The following CPEB1 variants were observed in gnomAD, a reference collection of about 807,000 sequenced individuals.
CPEB1 encodes the protein cytoplasmic polyadenylation element binding protein 1.
A neutral mutation model predicts 65.8 loss-of-function variants in CPEB1; 7 were observed. That is an observed-to-expected ratio of 0.11 (90% CI 0.06 to 0.20). The LOEUF is 0.20. Ranked by LOEUF, CPEB1 falls within the 10% of genes least tolerant of loss-of-function variation. The probability of loss-of-function intolerance (pLI) is 1.00; values close to 1 mark genes in which losing one functional copy is unlikely to be tolerated. For missense variants in CPEB1, 551 were observed against 712.2 expected, an observed-to-expected ratio of 0.77 and a Z score of 2.58; for synonymous variants, 262 against 260.0, an observed-to-expected ratio of 1.01 and a Z score of -0.08.
intron 1 of CPEB1, chr15:82,629,503 T>C (rs1371968200): frequency 1.0e-6 from 1 of 985,254 alleles, no homozygotes; most frequent in Non-Finnish European, 1.2e-6. Flanking sequence ...TCTTTTGGTA[T>C]TCCCTATCTC....
At chr15:82,555,849 A>C in intron 6 of CPEB1, 21 bp downstream of exon 6, 1 of 1,601,456 alleles carries the variant, frequency 6.2e-7, no homozygotes, top group Non-Finnish European at 8.5e-7. Flanking sequence ...CAGGCCTCAC[A>C]CATGCTCAAG....
chr15:82,616,318 A>C (rs922941152), intron 3 of CPEB1, among the ~76,000 whole-genome samples: 8 of 152,282 alleles, frequency 5.3e-5, no homozygotes, highest in African/African-American at 1.9e-4. Context: ...AACGATGTTT[A>C]TGGACATACA....
chr15:82,641,560 G>A (rs2047120472), intron 1 of CPEB1: 1 of 152,144 alleles, frequency 6.6e-6, no homozygotes, highest in Non-Finnish European at 1.5e-5. Flanking sequence ...AACACTCTTA[G>A]TCAAGTTACT....
intron 3 of CPEB1, among the ~76,000 whole-genome samples, chr15:82,579,612 A>G (rs1273646248): frequency 6.6e-6 from 1 of 152,076 alleles, no homozygotes; most frequent in East Asian, 1.9e-4. Context: ...CATGTGATCA[A>G]CAAAAGACTC....
At chr15:82,647,760 T>TG, upstream of CPEB1, 6 of 1,078,240 alleles carry the variant, frequency 5.6e-6, no homozygotes, top group African/African-American at 3.3e-5. Flanking sequence ...GGGCGGGGGA[T>TG]GGGGGTACCG....
At chr15:82,577,174 G>T (rs906303496) in intron 3 of CPEB1, among the ~76,000 whole-genome samples, 1 of 152,160 alleles carries the variant, frequency 6.6e-6, no homozygotes, top group African/African-American at 2.4e-5. Context: ...GCAAAGGTGT[G>T]TTTTGTTTTG....
intron 1 of CPEB1, chr15:82,640,869 C>A (rs1434017399): frequency 6.8e-6 from 1 of 146,050 alleles, no homozygotes. Flanking sequence ...AGGAAGCCTG[C>A]AAGTACCAAG....
At chr15:82,580,999 A>T (rs2041230829) in intron 3 of CPEB1, among the ~76,000 whole-genome samples, 2 of 151,992 alleles carry the variant, frequency 1.3e-5, no homozygotes, top group South Asian at 4.2e-4. Context: ...CCACAGGTGC[A>T]TGTCACCAGC....
intron 3 of CPEB1, among the ~76,000 whole-genome samples, chr15:82,615,546 TG>T (rs1311434768): frequency 6.6e-6 from 1 of 152,210 alleles, no homozygotes; most frequent in African/African-American, 2.4e-5. Flanking sequence ...GAAAGAACCC[TG>T]GGACACAATT....
chr15:82,569,867 G>C lies in CPEB1; in HGVS notation c.460+1477C>G, dbSNP rs74028529. On this transcript the variant is annotated intron_variant, in intron 4 of 12. Transcript: ENST00000684509. ...TTCTTCTATCTTTTGCTCAGATACG[G>C]TGGAAGTGAGGACAGGGGAGGCTGG... 2.8e-3 allele frequency among the ~76,000 whole-genome samples: 433 copies of C among 152,296 alleles called. 2 individuals carry two copies. The highest frequency in any genetic ancestry group is 0.01 in the African/African-American group (419 of 41,558).
Position 82,544,318 on chromosome 15 carries a change from A to T in CPEB1, c.*274T>A. 3 of 203,438 alleles carry T rather than the reference A, an allele frequency of 1.5e-5. No homozygotes were observed. The highest frequency in any genetic ancestry group is 1.9e-5 in the Non-Finnish European group (2 of 107,440). 12.6% of individuals were successfully genotyped at this position (203,438 alleles called of 1,614,324 possible). A position where few individuals can be genotyped will look rare whatever the true frequency, so the allele number is the denominator to read the frequency against. On this transcript the variant is annotated 3_prime_UTR_variant, in exon 13 of 13. Coordinates refer to ENST00000684509, the MANE Select transcript of CPEB1 (RefSeq NM_001365242.1). ...TTCCCCGCTTTTCATCTGCAAAATG[A>T]GGAACTAAAATCTGGGAAAACTACA...
intron 12 of CPEB1, among the ~76,000 whole-genome samples, 181 bp downstream of exon 12, chr15:82,546,260 C>T (rs953589275): frequency 6.6e-6 from 1 of 152,216 alleles, no homozygotes; most frequent in African/African-American, 2.4e-5. Context: ...CAGGCGCCTG[C>T]CACCACGCCA....
chr15:82,600,768 C>A (rs1475652207), intron 3 of CPEB1, among the ~76,000 whole-genome samples: 1 of 151,688 alleles, frequency 6.6e-6, no homozygotes, highest in South Asian at 2.1e-4. Context: ...ACGTGAAGAA[C>A]AAAGAAGACT....
rs1333626216 is a variant in CPEB1, at chr15:82,557,921, G to A, written c.526C>T (p.Leu176=). 1.9e-6 allele frequency: 3 copies of A among 1,614,132 alleles called. No individual in the cohort carries two copies. Among genetic ancestry groups the A allele is most frequent in the South Asian group, 1.1e-5 (1 of 91,070 alleles). The change falls in exon 5 of 13, where the codon CTG becomes TTG. Residue 176 remains leucine, a synonymous_variant. Transcript: ENST00000684509. ...LGKPPLSFLP[L]DPLGSDLVDK... ...ACCAAGTCAGACCCAAGGGGATCCA[G>A]AGGCAGGAAGCTCAAGGGGGGTTTT...
At chr15:82,646,511 G>A (rs587748077) in intron 1 of CPEB1, among the ~76,000 whole-genome samples, 34 of 152,266 alleles carry the variant, frequency 2.2e-4, no homozygotes, top group African/African-American at 7.2e-4. Flanking sequence ...GAGGCACCCC[G>A]GCTTCTAAGA....
intron 9 of CPEB1, among the ~76,000 whole-genome samples, 190 bp from the exon 10 acceptor site, chr15:82,549,848 T>C (rs112803112): frequency 6.6e-6 from 1 of 151,810 alleles, no homozygotes; most frequent in Non-Finnish European, 1.5e-5. Context: ...CCAACTGGAG[T>C]TGAATTTTAC....
chr15:82,556,375 T>C, intron 5 of CPEB1: 1 of 395,698 alleles, frequency 2.5e-6, no homozygotes. Context: ...TCATATTCTA[T>C]TTAGGGAACA....
intron 11 of CPEB1, 81 bp downstream of exon 11, chr15:82,547,062 G>A: frequency 1.1e-6 from 1 of 898,508 alleles, no homozygotes; most frequent in South Asian, 1.5e-5. Context: ...AACAGCTTCA[G>A]GTCTCAGGCC....
At chr15:82,630,231 A>AG (rs2046127175) in intron 1 of CPEB1, 1 of 254,824 alleles carries the variant, frequency 3.9e-6, no homozygotes, top group African/African-American at 2.3e-5. Context: ...GCCATTGCCT[A>AG]GCACAATCTG....
Sources: allele counts gnomAD v4.1 joint callset (sites outside exome capture counted in the v4.1 genomes callset), GRCh38; gene constraint gnomAD v4.1.1; transcripts MANE v1.5; gene names NCBI Gene and HGNC (gene_info 2026-07-23, HGNC 2026-07-21).